The following GALC variants were observed in gnomAD, a reference collection of about 807,000 sequenced individuals.
The protein encoded by GALC is galactosylceramidase, also known as galactocerebrosidase.
A neutral mutation model predicts 91.8 loss-of-function variants in GALC; 77 were observed. That is an observed-to-expected ratio of 0.84 (90% confidence interval 0.70 to 1.01). GALC has a LOEUF of 1.01. GALC is among the 50% of genes least tolerant of loss of function. The pLI is 0.00. For synonymous variants in GALC, 357 were observed against 306.7 expected (o/e 1.16, Z -1.71); for missense variants, 882 against 855.9 (o/e 1.03, Z -0.38).
At chr14:87,985,048 T>C (rs550759681) in intron 4 of GALC, among the ~76,000 whole-genome samples, 1 of 152,308 alleles carries the variant, frequency 6.6e-6, no homozygotes, top group Non-Finnish European at 1.5e-5. Context: ...GCAAAACTAG[T>C]TTGTTCTTAT....
At chr14:87,946,963 G>A (rs1197495843) in intron 13 of GALC, among the ~76,000 whole-genome samples, 2 of 151,970 alleles carry the variant, frequency 1.3e-5, no homozygotes, top group East Asian at 1.9e-4. Flanking sequence ...TCCATCTTTG[G>A]TGGAACAAGC....
At chr14:87,956,593 T>C (rs895926427) in intron 10 of GALC, among the ~76,000 whole-genome samples, 7 of 139,188 alleles carry the variant, frequency 5.0e-5, no homozygotes, top group East Asian at 4.1e-4. Flanking sequence ...ACCATATATA[T>C]ACACACACAC....
chr14:87,941,281 T>G, intron 15 of GALC, 114 bp downstream of exon 15: 1 of 726,270 alleles, frequency 1.4e-6, no homozygotes, highest in East Asian at 2.5e-5. Flanking sequence ...CCCAATTAGA[T>G]GTCCAAACAC....
rs1404645132 is a variant in GALC at position 87,950,685 on chromosome 14, C to A, written c.1225G>T (p.Ala409Ser). The change falls in exon 11 of 17, where the codon GCC (alanine) becomes TCC (serine). Residue 409 changes from alanine (A) to serine (S), a missense_variant. By Grantham distance (99) the Ala-to-Ser change is moderately conservative (BLOSUM62 1). Coordinates refer to ENST00000261304, the MANE Select transcript of GALC (RefSeq NM_000153.4). ...LPYFNVSQQFATFVLKGSFSE... is the reference protein window; with the variant it reads ...LPYFNVSQQFSTFVLKGSFSE... ...AAAGATCCCTTAAGAACAAAGGTGG[C>A]AAATTGTTGTGACACATTGAAATAA... 1.9e-6 allele frequency: 3 copies of A among 1,604,528 alleles called. No individual in the cohort carries two copies. In the Admixed American group the frequency reaches 5.0e-5, roughly 27 times the overall value.
rs762599668 is a variant in GALC, at chr14:87,993,092, C to T, written c.73G>A (p.Gly25Ser). The change falls in exon 1 of 17, where the codon GGC (glycine) becomes AGC (serine). Residue 25 changes from glycine (G) to serine (S), a missense_variant. Gly to Ser is a moderately conservative substitution (Grantham distance 56). Coordinates refer to ENST00000261304, the MANE Select transcript of GALC (RefSeq NM_000153.4). ...AGCAGCAAGGGCACCGCGGCGCGGC[C>T]CGCCGAACCCGCGGCCGCAGTCATA... ...KAMTAAAGSA[G>S]RAAVPLLLCA... 2.5e-6 allele frequency: 4 copies of T among 1,585,398 alleles called. No homozygotes were observed. The highest frequency in any genetic ancestry group is 3.4e-6 in the Non-Finnish European group (4 of 1,166,490).
rs751975987 is a variant in GALC at position 87,993,029 on chromosome 14, C to G, written c.136G>C (p.Asp46His). ...TCCCGGCCCAGCCCGTCGGAGTCGT[C>G]GAGCACGTACGCGCCGCCGGGCGCC... Reference protein sequence around the residue: ...LLAPGGAYVLDDSDGLGREFD... With the variant: ...LLAPGGAYVLHDSDGLGREFD... Residue 46 changes from aspartate (D) to histidine (H), a missense_variant, in exon 1 of 17, where the codon GAC (aspartate) becomes CAC (histidine). Asp to His is a moderately conservative substitution (Grantham distance 81). Coordinates refer to ENST00000261304, the MANE Select transcript of GALC (RefSeq NM_000153.4). 5.8e-6 allele frequency: 9 copies of G among 1,553,216 alleles called. No individual in the cohort carries two copies. The highest frequency in any genetic ancestry group is 1.4e-5 in the African/African-American group (1 of 72,068).
intron 16 of GALC, among the ~76,000 whole-genome samples, chr14:87,936,345 T>G (rs1884566213): frequency 6.6e-6 from 1 of 152,044 alleles, no homozygotes; most frequent in Non-Finnish European, 1.5e-5. Flanking sequence ...CTCAGCAAAC[T>G]ATGACCTACA....
At chr14:87,990,067 C>T (rs1480280151) in intron 1 of GALC, among the ~76,000 whole-genome samples, 1 of 152,070 alleles carries the variant, frequency 6.6e-6, no homozygotes, top group African/African-American at 2.4e-5. Flanking sequence ...GCCTTCTGGC[C>T]CTGCTCACTG....
chr14:87,958,466 A>G (rs1446295871), intron 10 of GALC, among the ~76,000 whole-genome samples: 2 of 152,230 alleles, frequency 1.3e-5, no homozygotes, highest in Non-Finnish European at 2.9e-5. Flanking sequence ...TGCCAAGGAC[A>G]TTCTTCACAT....
intron 10 of GALC, among the ~76,000 whole-genome samples, chr14:87,951,026 T>A (rs1236666187): frequency 6.6e-6 from 1 of 151,910 alleles, no homozygotes; most frequent in South Asian, 2.1e-4. Context: ...TACAGATTAA[T>A]TTTTTGTTAT....
At chr14:87,951,009 T>C (rs1458547754) in intron 10 of GALC, among the ~76,000 whole-genome samples, 1 of 151,900 alleles carries the variant, frequency 6.6e-6, no homozygotes, top group Non-Finnish European at 1.5e-5. Context: ...TAGAGACATA[T>C]ATGGCATACA....
At chr14:87,960,890 T>C (rs1192277691) in intron 10 of GALC, among the ~76,000 whole-genome samples, 2 of 152,060 alleles carry the variant, frequency 1.3e-5, no homozygotes, top group African/African-American at 4.8e-5. Flanking sequence ...TAAATATAAA[T>C]CTTCAGAACC....
intron 16 of GALC, 44 bp from the exon 17 acceptor site, chr14:87,934,922 G>T: frequency 7.1e-7 from 1 of 1,406,604 alleles, no homozygotes; most frequent in Non-Finnish European, 1.0e-6. Context: ...TATGAAAATG[G>T]TCCTCTGAAG....
At chr14:87,969,758 T>C (rs1345119236) in intron 7 of GALC, among the ~76,000 whole-genome samples, 1 of 152,192 alleles carries the variant, frequency 6.6e-6, no homozygotes, top group African/African-American at 2.4e-5. Context: ...CACAAATCTT[T>C]TAGGAAAAAA....
intron 10 of GALC, among the ~76,000 whole-genome samples, chr14:87,960,611 G>A (rs1329894067): frequency 6.6e-6 from 1 of 152,162 alleles, no homozygotes; most frequent in Non-Finnish European, 1.5e-5. Context: ...ACAGTGTGGT[G>A]CTCACGTCAG....
rs114628351 is a variant in GALC at position 87,969,698 on chromosome 14, T to C, written c.753-1208A>G. On this transcript the variant is annotated intron_variant, in intron 7 of 16. Transcript: ENST00000261304. ...AGTAGTATTTATAACATCAAAAGAATGATTGTGAATACTTGTTTTACTTTT... is the reference window on the plus strand; with the variant it reads ...AGTAGTATTTATAACATCAAAAGAACGATTGTGAATACTTGTTTTACTTTT... Among the ~76,000 whole-genome samples the C allele has an allele frequency of 6.0e-3, 914 of 152,312 alleles. 11 individuals are homozygous for C. Among genetic ancestry groups the C allele is most frequent in the African/African-American group, 0.021 (877 of 41,576 alleles).
rs768993170 is a variant in GALC at position 87,984,476 on chromosome 14, T to C, written c.500A>G (p.Asn167Ser). Reference protein sequence around the residue: ...LGKGFDWPYVNLQLTAYYVVT... With the variant: ...LGKGFDWPYVSLQLTAYYVVT... ...GACATAATAGGCAGTCAGCTGAAGATTGACATAAGGCCAGTCGAAACCTTT... is the reference window on the plus strand; with the variant it reads ...GACATAATAGGCAGTCAGCTGAAGACTGACATAAGGCCAGTCGAAACCTTT... Residue 167 changes from asparagine (N) to serine (S), a missense_variant, in exon 5 of 17, where the codon AAT (asparagine) becomes AGT (serine). Coordinates refer to ENST00000261304, the MANE Select transcript of GALC (RefSeq NM_000153.4). 5.5e-5 allele frequency: 89 copies of C among 1,614,032 alleles called. No individual in the cohort carries two copies. The highest frequency in any genetic ancestry group is 1.3e-4 in the East Asian group (6 of 44,880).
intron 15 of GALC, among the ~76,000 whole-genome samples, chr14:87,941,004 C>T (rs1265839150): frequency 1.3e-5 from 2 of 151,908 alleles, no homozygotes; most frequent in East Asian, 3.9e-4. Flanking sequence ...ATCAATTCCC[C>T]TCCTTATATT....
chr14:87,961,337 G>T (rs551001508), intron 10 of GALC, among the ~76,000 whole-genome samples: 17 of 152,148 alleles, frequency 1.1e-4, no homozygotes, highest in Non-Finnish European at 2.4e-4. Context: ...GTGGAGAATT[G>T]TAAGTTTCAT....
Sources: allele counts gnomAD v4.1 joint callset (sites outside exome capture counted in the v4.1 genomes callset), GRCh38; gene constraint gnomAD v4.1.1; transcripts MANE v1.5; gene names NCBI Gene and HGNC (gene_info 2026-07-23, HGNC 2026-07-21).